ITGA9: variants seen among roughly 807,000 people sequenced by gnomAD.
ITGA9 encodes the protein integrin alpha-9.
ITGA9 carries 56 observed loss-of-function variants against 127.8 expected under a neutral mutation model. That is an observed-to-expected ratio of 0.44 (90% CI 0.35 to 0.55). The LOEUF (loss-of-function observed/expected upper bound fraction) is 0.55, where lower values mean the gene tolerates loss of function less well. Ranked by LOEUF, ITGA9 falls within the 20% of genes least tolerant of loss-of-function variation. ITGA9 has a pLI of 0.00. For synonymous variants in ITGA9, 508 were observed against 514.5 expected (o/e 0.99, Z 0.17); for missense variants, 1,196 against 1,347.1 (o/e 0.89, Z 1.76).
rs185568 is a variant in ITGA9, at chr3:37,519,106, C to T, written c.1142-154C>T. On this transcript the variant is annotated intron_variant, in intron 10 of 27. Coordinates refer to ENST00000264741, the MANE Select transcript of ITGA9 (RefSeq NM_002207.3). Reference sequence around the variant, plus strand: ...GCCTACTTTTTTTTTTTTTTTTTCCCGCTGAGGGATCTTGTCCCCAAATTA... The same window carrying T: ...GCCTACTTTTTTTTTTTTTTTTTCCTGCTGAGGGATCTTGTCCCCAAATTA... Among the ~76,000 whole-genome samples, 84,759 of 148,254 alleles carry T rather than the reference C, an allele frequency of 0.57. 24,725 individuals carry two copies. The highest frequency in any genetic ancestry group is 0.85 in the East Asian group (4,282 of 5,046).
chr3:37,531,448 A>T (rs1397281780), intron 13 of ITGA9, among the ~76,000 whole-genome samples: 9 of 152,170 alleles, frequency 5.9e-5, no homozygotes, highest in Non-Finnish European at 1.3e-4. Context: ...ATTTCAAAGG[A>T]TACTGTTTTT....
chr3:37,649,084 T>TA (rs1700405484), intron 16 of ITGA9, among the ~76,000 whole-genome samples: 1 of 57,282 alleles, frequency 1.7e-5, no homozygotes, highest in African/African-American at 6.5e-5. Flanking sequence ...GTTATATATA[T>TA]AAAAAAAGAA....
intron 9 of ITGA9, among the ~76,000 whole-genome samples, chr3:37,516,734 C>T (rs72867555): frequency 1.3e-5 from 2 of 152,116 alleles, no homozygotes; most frequent in African/African-American, 4.8e-5. Flanking sequence ...CCCAGACTGC[C>T]TCTGCACTGG....
intron 15 of ITGA9, among the ~76,000 whole-genome samples, chr3:37,555,738 A>G (rs904976848): frequency 2.0e-5 from 3 of 152,240 alleles, no homozygotes; most frequent in East Asian, 3.8e-4. Flanking sequence ...ACCATGGAAC[A>G]TAATCTCTCC....
intron 15 of ITGA9, among the ~76,000 whole-genome samples, chr3:37,546,311 A>T (rs921525151): frequency 1.3e-5 from 2 of 152,212 alleles, no homozygotes; most frequent in Admixed American, 1.3e-4. Context: ...TTAAAGACAT[A>T]CTAGCACCGC....
Position 37,512,116 on chromosome 3 carries a change from C to T in ITGA9, c.898-1647C>T, listed in dbSNP as rs1193314021. Reference sequence around the variant, plus strand: ...TCCTTCCTTCCTTCCTTCCTTCCTTCCTTCTTTCTTTTCTTTTCTTTTCTT... The same window carrying T: ...TCCTTCCTTCCTTCCTTCCTTCCTTTCTTCTTTCTTTTCTTTTCTTTTCTT... On this transcript the variant is annotated intron_variant, in intron 8 of 27. Transcript: ENST00000264741. Among the ~76,000 whole-genome samples, 27 of 66,322 alleles carry T rather than the reference C, an allele frequency of 4.1e-4. 3 individuals carry two copies. Among genetic ancestry groups the T allele is most frequent in the African/African-American group, 1.4e-3 (22 of 15,574 alleles). 43.5% of individuals were successfully genotyped at this position (66,322 alleles called of 152,430 possible). A position where few individuals can be genotyped will look rare whatever the true frequency, so the allele number is the denominator to read the frequency against.
intron 23 of ITGA9, among the ~76,000 whole-genome samples, chr3:37,758,247 C>T (rs1575224650): frequency 7.1e-6 from 1 of 139,982 alleles, no homozygotes; most frequent in African/African-American, 2.7e-5. Flanking sequence ...GGCGTGAACC[C>T]GGGAAGCGGA....
intron 18 of ITGA9, among the ~76,000 whole-genome samples, chr3:37,727,410 G>A (rs963885385): frequency 1.3e-5 from 2 of 152,132 alleles, no homozygotes; most frequent in African/African-American, 4.8e-5. Context: ...TTAAAATAGG[G>A]TCTAAAATTT....
chr3:37,699,733 T>C (rs764391034), intron 18 of ITGA9, among the ~76,000 whole-genome samples: 4 of 152,234 alleles, frequency 2.6e-5, no homozygotes, highest in Non-Finnish European at 5.9e-5. Flanking sequence ...TCTCTGAACA[T>C]GTGTCCTGTC....
chr3:37,678,188 C>CAAA (rs1700701138), intron 17 of ITGA9, among the ~76,000 whole-genome samples: 3 of 152,052 alleles, frequency 2.0e-5, no homozygotes, highest in South Asian at 4.1e-4. Context: ...GTAATAAACC[C>CAAA]AAAAGTATAA....
chr3:37,636,340 G>A (rs888173736), intron 16 of ITGA9, among the ~76,000 whole-genome samples: 2 of 152,154 alleles, frequency 1.3e-5, no homozygotes, highest in African/African-American at 4.8e-5. Flanking sequence ...GGTGTGAGAT[G>A]GTATCTCATT....
At chr3:37,765,751 G>T (rs139191830) in intron 23 of ITGA9, among the ~76,000 whole-genome samples, 2 of 152,162 alleles carry the variant, frequency 1.3e-5, no homozygotes, top group Admixed American at 1.3e-4. Context: ...CCGGCTGTCC[G>T]TACAGAGTGT....
Position 37,589,991 on chromosome 3 carries a change from G to A in ITGA9, c.1690-39196G>A, listed in dbSNP as rs568393593. On this transcript the variant is annotated intron_variant, in intron 15 of 27. Transcript: ENST00000264741. ...CAGGCTCACTGCCCCCATCCATGTT[G>A]CACACCCCTCTCTACCTGCAGCCGC... 3.3e-5 allele frequency among the ~76,000 whole-genome samples: 5 copies of A among 152,196 alleles called. 1 individual carries two copies. The East Asian group carries it at 9.6e-4, about 29-fold the overall frequency.
intron 15 of ITGA9, among the ~76,000 whole-genome samples, chr3:37,615,988 A>G (rs531317560): frequency 1.5e-4 from 23 of 151,956 alleles, no homozygotes; most frequent in African/African-American, 5.1e-4. Context: ...GATCTTGGTT[A>G]TTTCTTGCCT....
intron 16 of ITGA9, among the ~76,000 whole-genome samples, chr3:37,634,471 T>C (rs1448583787): frequency 6.6e-6 from 1 of 152,114 alleles, no homozygotes; most frequent in Non-Finnish European, 1.5e-5. Context: ...AAGTCAAAAA[T>C]AGACTTTAAG....
chr3:37,753,104 AG>A (rs1420631539), intron 23 of ITGA9, among the ~76,000 whole-genome samples: 2 of 152,240 alleles, frequency 1.3e-5, no homozygotes, highest in Non-Finnish European at 2.9e-5. Flanking sequence ...CTGTGGACCT[AG>A]TGTCTGTCCA....
chr3:37,568,101 C>T (rs1377857342), intron 15 of ITGA9, among the ~76,000 whole-genome samples: 3 of 152,284 alleles, frequency 2.0e-5, no homozygotes, highest in Non-Finnish European at 4.4e-5. Flanking sequence ...AGATTTCTGC[C>T]TGGGCATCCA....
At position 37,452,519 on chromosome 3, in the gene ITGA9, G is replaced by T; in HGVS notation, c.145G>T (p.Gly49Cys). 1.3e-6 allele frequency: 2 copies of T among 1,528,466 alleles called. No homozygotes were observed. Among genetic ancestry groups the T allele is most frequent in the Non-Finnish European group, 8.8e-7 (1 of 1,137,956 alleles). The allele number at this position is 1,528,466 out of a possible 1,614,324, so 94.7% of individuals were successfully genotyped here. Residue 49 changes from glycine (G) to cysteine (C), a missense_variant, in exon 1 of 28, where the codon GGC (glycine) becomes TGC (cysteine). Gly to Cys is a radical substitution (Grantham distance 159, BLOSUM62 -3). Coordinates refer to ENST00000264741, the MANE Select transcript of ITGA9 (RefSeq NM_002207.3). The surrounding 1 kb of genome is among the most constrained non-coding windows in gnomAD (Gnocchi z 7.3). ...HFQGPADSFF[G>C]YAVLEHFHDN... ...CCAGGGCCCCGCTGACTCGTTCTTCGGCTACGCAGTTCTGGAGCATTTCCA... is the reference window on the plus strand; with the variant it reads ...CCAGGGCCCCGCTGACTCGTTCTTCTGCTACGCAGTTCTGGAGCATTTCCA...
intron 3 of ITGA9, among the ~76,000 whole-genome samples, chr3:37,477,052 G>C (rs565193915): frequency 4.6e-5 from 7 of 152,292 alleles, no homozygotes; most frequent in Admixed American, 1.3e-4. Context: ...GCAAAAACAA[G>C]ATACAGTGAG....
Sources: allele counts gnomAD v4.1 joint callset (sites outside exome capture counted in the v4.1 genomes callset), GRCh38; gene constraint gnomAD v4.1.1; non-coding constraint Gnocchi (gnomAD v3.1); transcripts MANE v1.5; gene names NCBI Gene and HGNC (gene_info 2026-07-23, HGNC 2026-07-21).